INSR: variants seen among roughly 807,000 people sequenced by gnomAD.
INSR encodes the protein insulin receptor, also known as IR.
INSR carries 67 observed loss-of-function variants against 142.6 expected under a neutral mutation model. That is an observed-to-expected ratio of 0.47 (90% CI 0.39 to 0.58). INSR has a LOEUF of 0.58. INSR is among the 20% of genes least tolerant of loss of function. INSR has a pLI of 0.00. For synonymous variants in INSR, 756 were observed against 743.1 expected, an observed-to-expected ratio of 1.02 and a Z score of -0.28; for missense variants, 1,248 against 1,833.2, an observed-to-expected ratio of 0.68 and a Z score of 5.83.
At chr19:7,263,719 A>G (rs1977135450) in intron 2 of INSR, among the ~76,000 whole-genome samples, 1 of 152,122 alleles carries the variant, frequency 6.6e-6, no homozygotes, top group Non-Finnish European at 1.5e-5. Flanking sequence ...GCAATTTTTA[A>G]TTCACTCAAA....
At chr19:7,222,965 C>T (rs58893739) in intron 2 of INSR, among the ~76,000 whole-genome samples, 1 of 152,132 alleles carries the variant, frequency 6.6e-6, no homozygotes, top group South Asian at 2.1e-4. Context: ...GGCGGATCAC[C>T]TGAGGTCAGG....
chr19:7,167,824 G>T, intron 7 of INSR, 144 bp downstream of exon 7: 1 of 1,013,184 alleles, frequency 9.9e-7, no homozygotes, highest in Non-Finnish European at 1.5e-6. Context: ...TGGTGAGATT[G>T]TAAAAAGGAA....
Position 7,185,396 on chromosome 19 carries a change from A to C in INSR, c.653-759T>G, listed in dbSNP as rs1974399316. Among the ~76,000 whole-genome samples the C allele has an allele frequency of 2.0e-5, 3 of 152,128 alleles. No homozygotes were observed. In the South Asian group the frequency reaches 6.2e-4, roughly 32 times the overall value. ...CAAATGGGGAAACTGAGGTACAGGG[A>C]GGTTAAGTAACTTGCCCCCAAACCA... On this transcript the variant is annotated intron_variant, in intron 2 of 21. Transcript: ENST00000302850.
chr19:7,178,508 C>T (rs1284985022), intron 3 of INSR, among the ~76,000 whole-genome samples: 1 of 152,088 alleles, frequency 6.6e-6, no homozygotes, highest in Non-Finnish European at 1.5e-5. Flanking sequence ...ATCACGAAGT[C>T]AGGAGTTTGA....
intron 17 of INSR, among the ~76,000 whole-genome samples, chr19:7,123,357 C>T (rs1383562928): frequency 6.6e-6 from 1 of 151,724 alleles, no homozygotes; most frequent in African/African-American, 2.4e-5. Context: ...TTAGTAGAGA[C>T]AGGATTTCTC....
intron 1 of INSR, among the ~76,000 whole-genome samples, chr19:7,269,847 T>C (rs776837149): frequency 1.3e-5 from 2 of 151,672 alleles, no homozygotes; most frequent in Non-Finnish European, 2.9e-5. Context: ...TAGTTGAATT[T>C]GAATTTCAGA....
At chr19:7,247,211 G>A (rs1976564467) in intron 2 of INSR, among the ~76,000 whole-genome samples, 1 of 152,136 alleles carries the variant, frequency 6.6e-6, no homozygotes, top group African/African-American at 2.4e-5. Context: ...TCAGGCTGGG[G>A]TTCTCTCCCA....
intron 3 of INSR, among the ~76,000 whole-genome samples, chr19:7,178,332 C>T (rs1297820767): frequency 6.6e-6 from 1 of 150,808 alleles, no homozygotes; most frequent in Non-Finnish European, 1.5e-5. Context: ...CTTTTAGGAC[C>T]TCCAGGGAGA....
intron 2 of INSR, among the ~76,000 whole-genome samples, chr19:7,248,736 T>C (rs1443366444): frequency 6.8e-6 from 1 of 146,732 alleles, no homozygotes; most frequent in Non-Finnish European, 1.5e-5. Context: ...TATCCTGGAC[T>C]ATTCCCGGTT....
At chr19:7,292,483 G>GGGGGGC (rs1968523648) in intron 1 of INSR, among the ~76,000 whole-genome samples, 4 of 127,894 alleles carry the variant, frequency 3.1e-5, no homozygotes, top group Non-Finnish European at 5.2e-5. Context: ...GGGGGGGTGG[G>GGGGGGC]CCCGGGGCTT....
rs368807166 is a variant in INSR, at chr19:7,184,579, G to A, written c.711C>T (p.Ser237=). ...GCTAEGLCCH[S]ECLGNCSQPD... Reference sequence around the variant, plus strand: ...GCTGAGAACAGTTGCCCAGGCACTCGCTGTGGCAACAGAGGCCTTCGGCGG... The same window carrying A: ...GCTGAGAACAGTTGCCCAGGCACTCACTGTGGCAACAGAGGCCTTCGGCGG... Residue 237 remains serine, a synonymous_variant, in exon 3 of 22, where the codon AGC becomes AGT. Transcript: ENST00000302850. The A allele has an allele frequency of 3.2e-5, 51 of 1,613,370 alleles. No individual in the cohort carries two copies. The highest frequency in any genetic ancestry group is 4.0e-5 in the Non-Finnish European group (47 of 1,180,004).
At chr19:7,188,432 G>A (rs1974487191) in intron 2 of INSR, among the ~76,000 whole-genome samples, 1 of 150,694 alleles carries the variant, frequency 6.6e-6, no homozygotes, top group Non-Finnish European at 1.5e-5. Context: ...TGTAATCCCA[G>A]CTACTCAGCT....
intron 1 of INSR, among the ~76,000 whole-genome samples, chr19:7,283,054 G>A (rs182029764): frequency 1.3e-5 from 2 of 151,834 alleles, no homozygotes; most frequent in Non-Finnish European, 2.9e-5. Flanking sequence ...TTAGCTAGTC[G>A]TGGTAGCACA....
Position 7,225,137 on chromosome 19 carries a change from T to C in INSR, c.653-40500A>G, listed in dbSNP as rs1222696526. Among the ~76,000 whole-genome samples the C allele has an allele frequency of 1.3e-5, 2 of 151,982 alleles. No homozygotes were observed. Among genetic ancestry groups the C allele is most frequent in the Non-Finnish European group, 2.9e-5 (2 of 68,004 alleles). ...CTATTCCAATTATTAACCATTTATT[T>C]CCCCCAACAATCCTAGATGTTCCCA... On this transcript the variant is annotated intron_variant, in intron 2 of 21. Transcript: ENST00000302850. The surrounding 1 kb of genome is among the most constrained non-coding windows in gnomAD (Gnocchi z 4.7).
At position 7,267,476 on chromosome 19, in the gene INSR, A is replaced by G; in HGVS notation, c.521T>C (p.Leu174Ser). The change falls in exon 2 of 22, where the codon TTG (leucine) becomes TCG (serine). Residue 174 changes from leucine (L) to serine (S), a missense_variant. Transcript: ENST00000302850. The surrounding 1 kb of genome is among the most constrained non-coding windows in gnomAD (Gnocchi z 6.3). ...ACACTCCTCGTTGTCATCTTTGTTC[A>G]ACACGATGTAATTATCCTCCACGGA... ...LDSVEDNYIV[L>S]NKDDNEECGD... 1 of 1,614,110 alleles carries G rather than the reference A, an allele frequency of 6.2e-7. No individual in the cohort carries two copies. The highest frequency in any genetic ancestry group is 1.6e-4 in the Middle Eastern group (1 of 6,062).
chr19:7,181,179 C>T (rs1035953476), intron 3 of INSR, among the ~76,000 whole-genome samples: 3 of 152,174 alleles, frequency 2.0e-5, no homozygotes, highest in Non-Finnish European at 4.4e-5. Context: ...CTCCTGACCT[C>T]AGGTGATCCA....
intron 2 of INSR, among the ~76,000 whole-genome samples, chr19:7,260,829 G>C (rs977340836): frequency 6.6e-6 from 1 of 151,168 alleles, no homozygotes; most frequent in Non-Finnish European, 1.5e-5. Flanking sequence ...CTTGTGACCA[G>C]TCAATGGTAA....
chr19:7,187,192 C>T (rs542238139), intron 2 of INSR, among the ~76,000 whole-genome samples: 2 of 152,194 alleles, frequency 1.3e-5, no homozygotes, highest in South Asian at 4.2e-4. Flanking sequence ...AGGAATTCTC[C>T]TGCCTCAGCC....
chr19:7,217,808 C>A (rs534258503), intron 2 of INSR, among the ~76,000 whole-genome samples: 54 of 152,368 alleles, frequency 3.5e-4, no homozygotes, highest in African/African-American at 1.3e-3. Context: ...ATCCACCCGC[C>A]TTGGCCTCCC....
Sources: gnomAD v4.1 joint callset for allele counts (sites outside exome capture counted in the v4.1 genomes callset) on GRCh38, gnomAD v4.1.1 for gene constraint, Gnocchi (gnomAD v3.1) non-coding constraint, MANE v1.5 for transcripts, NCBI Gene and HGNC (gene_info 2026-07-23, HGNC 2026-07-21) for gene names.